Variants in ADGRL4 observed in about 807,000 individuals in gnomAD.
ADGRL4 encodes the protein EGF, latrophilin and seven transmembrane domain containing 1.
In ADGRL4, 90 loss-of-function variants were observed where a neutral mutation model predicts 74.8. That is an observed-to-expected ratio of 1.20 (90% CI 1.02 to 1.43). The LOEUF (loss-of-function observed/expected upper bound fraction) is 1.43. Among genes scored for constraint, ADGRL4 ranks in the 40% most tolerant of loss-of-function variants. The pLI, the probability that ADGRL4 is intolerant of heterozygous loss-of-function variation, is 0.00. For missense variants in ADGRL4, 881 were observed against 814.3 expected (o/e 1.08, Z -1.00); for synonymous variants, 311 against 279.2 (o/e 1.11, Z -1.14).
intron 6 of ADGRL4, among the ~76,000 whole-genome samples, chr1:78,937,114 T>G (rs1649370189): frequency 6.6e-6 from 1 of 152,236 alleles, no homozygotes; most frequent in South Asian, 2.1e-4. Flanking sequence ...TGCTTTATAT[T>G]ATGAACATGC....
At position 78,937,874 on chromosome 1, in the gene ADGRL4, T is replaced by G; in HGVS notation, c.693A>C (p.Gln231His). Residue 231 changes from glutamine (Q) to histidine (H), a missense_variant, in exon 6 of 15, where the codon CAA (glutamine) becomes CAC (histidine). Transcript: ENST00000370742. Reference sequence around the variant, plus strand: ...AGCTCTGGGATATCCTTAAAGTAGCTTGTTCAACAGTGTGCATGAGTTTTG... The same window carrying G: ...AGCTCTGGGATATCCTTAAAGTAGCGTGTTCAACAGTGTGCATGAGTTTTG... Reference protein sequence around the residue: ...HLTKLMHTVEQATLRISQSFQ... With the variant: ...HLTKLMHTVEHATLRISQSFQ... 6.2e-7 allele frequency: 1 copy of G among 1,614,040 alleles called. No individual in the cohort carries two copies. Among genetic ancestry groups the G allele is most frequent in the Non-Finnish European group, 8.5e-7 (1 of 1,179,946 alleles).
At chr1:78,959,904 T>A in intron 2 of ADGRL4, among the ~76,000 whole-genome samples, 1 of 152,294 alleles carries the variant, frequency 6.6e-6, no homozygotes, top group Non-Finnish European at 1.5e-5. Flanking sequence ...TCAAAAGTTA[T>A]ATACAAGAAT....
intron 2 of ADGRL4, among the ~76,000 whole-genome samples, chr1:78,947,134 TA>T (rs1458970270): frequency 6.6e-6 from 1 of 152,186 alleles, no homozygotes; most frequent in Admixed American, 6.5e-5. Flanking sequence ...GAGATGATCA[TA>T]ATGGTCTGGA....
At chr1:78,944,588 A>G (rs1327246591) in intron 3 of ADGRL4, among the ~76,000 whole-genome samples, 1 of 152,178 alleles carries the variant, frequency 6.6e-6, no homozygotes, top group East Asian at 1.9e-4. Flanking sequence ...TAAATATTTT[A>G]TACCCTTGCA....
chr1:78,929,408 G>C (rs1202414003), intron 7 of ADGRL4, among the ~76,000 whole-genome samples: 2 of 151,212 alleles, frequency 1.3e-5, no homozygotes. Context: ...CCAGCTACTT[G>C]GGAGATTCAG....
At chr1:78,922,537 T>G (rs76815631) in intron 8 of ADGRL4, among the ~76,000 whole-genome samples, 1,951 of 152,166 alleles carry the variant, frequency 0.013, 42 homozygotes, top group African/African-American at 0.045. Context: ...CTTATCATAC[T>G]TTTATATTAA....
intron 14 of ADGRL4, 36 bp from the exon 15 acceptor site, chr1:78,891,252 T>A (rs1242947927): frequency 1.3e-6 from 2 of 1,551,114 alleles, no homozygotes; most frequent in Non-Finnish European, 1.8e-6. Context: ...GAAATGTTAA[T>A]CATAACAATC....
Position 78,945,177 on chromosome 1 carries a change from A to AAAAAAAAAATATAT in ADGRL4, c.325+1096_325+1097insATATATTTTTTTTT, listed in dbSNP as rs376405445. The stretch of plus-strand genomic sequence containing the variant: ...GAGACTCTGTCTCAAAAAAAAAAAA[A>AAAAAAAAAATATAT]ATATATATATATATATATATCTCAA... On this transcript the variant is annotated intron_variant, in intron 3 of 14. Coordinates refer to ENST00000370742, the MANE Select transcript of ADGRL4 (RefSeq NM_022159.4). 7.4e-4 allele frequency among the ~76,000 whole-genome samples: 95 copies of AAAAAAAAAATATAT among 127,922 alleles called. 2 individuals are homozygous for AAAAAAAAAATATAT. The East Asian group carries it at 7.7e-3, about 10-fold the overall frequency. 83.9% of individuals were successfully genotyped at this position (127,922 alleles called of 152,430 possible). A position where few individuals can be genotyped will look rare whatever the true frequency, so the allele number is the denominator to read the frequency against.
chr1:78,972,580 T>G (rs1359416516), intron 2 of ADGRL4, among the ~76,000 whole-genome samples: 1 of 152,164 alleles, frequency 6.6e-6, no homozygotes, highest in Admixed American at 6.5e-5. Context: ...ATTTGTTGAA[T>G]TAGAAAGGGA....
chr1:78,900,832 C>G (rs564458785), intron 12 of ADGRL4, among the ~76,000 whole-genome samples: 1 of 151,928 alleles, frequency 6.6e-6, no homozygotes, highest in East Asian at 1.9e-4. Context: ...TTCTGTGTAG[C>G]GGTGTGAGAA....
intron 2 of ADGRL4, among the ~76,000 whole-genome samples, chr1:78,991,269 C>T (rs949453253): frequency 1.4e-4 from 21 of 151,992 alleles, no homozygotes; most frequent in African/African-American, 5.1e-4. Flanking sequence ...TGAAGATGTG[C>T]AGTGCATGTG....
At chr1:78,999,924 A>G (rs928596925) in intron 2 of ADGRL4, among the ~76,000 whole-genome samples, 5 of 150,026 alleles carry the variant, frequency 3.3e-5, no homozygotes, top group African/African-American at 9.9e-5. Flanking sequence ...AATTTGGGAA[A>G]AAAATCAACA....
At chr1:78,938,688 G>A (rs1206052921) in intron 4 of ADGRL4, among the ~76,000 whole-genome samples, 1 of 151,890 alleles carries the variant, frequency 6.6e-6, no homozygotes, top group African/African-American at 2.4e-5. Context: ...ATCAACCAAA[G>A]AAAATTCTTT....
At chr1:78,910,936 T>C (rs1278625635) in intron 12 of ADGRL4, among the ~76,000 whole-genome samples, 2 of 151,834 alleles carry the variant, frequency 1.3e-5, no homozygotes, top group African/African-American at 2.4e-5. Context: ...TTTAGTAAGA[T>C]CAATGCAGAA....
chr1:78,999,542 T>C (rs755925830), intron 2 of ADGRL4, among the ~76,000 whole-genome samples: 21 of 152,044 alleles, frequency 1.4e-4, no homozygotes, highest in Non-Finnish European at 3.1e-4. Context: ...CACTGCACTC[T>C]AGCTTGGGCG....
intron 2 of ADGRL4, among the ~76,000 whole-genome samples, chr1:78,986,106 C>T (rs1650488869): frequency 6.6e-6 from 1 of 151,704 alleles, no homozygotes; most frequent in Non-Finnish European, 1.5e-5. Flanking sequence ...ATAATCTGTA[C>T]ATCAGACCTC....
At chr1:78,918,521 A>G (rs1648933141) in intron 10 of ADGRL4, among the ~76,000 whole-genome samples, 1 of 152,046 alleles carries the variant, frequency 6.6e-6, no homozygotes, top group South Asian at 2.1e-4. Flanking sequence ...TACAAAGTAG[A>G]TTAATAATAT....
At chr1:78,975,560 G>C (rs1223549403) in intron 2 of ADGRL4, among the ~76,000 whole-genome samples, 1 of 151,816 alleles carries the variant, frequency 6.6e-6, no homozygotes, top group Non-Finnish European at 1.5e-5. Flanking sequence ...ATCTGACTTT[G>C]CCACTACTGC....
chr1:78,985,610 A>C (rs1650476996), intron 2 of ADGRL4, among the ~76,000 whole-genome samples: 3 of 151,840 alleles, frequency 2.0e-5, no homozygotes, highest in African/African-American at 7.2e-5. Flanking sequence ...CTAAATGAAG[A>C]CAGAAAACCA....
Sources: gnomAD v4.1 joint callset for allele counts (sites outside exome capture counted in the v4.1 genomes callset) on GRCh38, gnomAD v4.1.1 for gene constraint, MANE v1.5 for transcripts, NCBI Gene and HGNC (gene_info 2026-07-23, HGNC 2026-07-21) for gene names.